ADGRB3: variants seen among roughly 807,000 people sequenced by gnomAD.
The protein encoded by ADGRB3 is brain-specific angiogenesis inhibitor 3.
A neutral mutation model predicts 193.4 loss-of-function variants in ADGRB3; 37 were observed. The ratio of observed to expected loss-of-function variants is 0.19; its 90% CI spans 0.15 to 0.25. The LOEUF (loss-of-function observed/expected upper bound fraction) is 0.25, where lower values mean the gene tolerates loss of function less well. Ranked by LOEUF, ADGRB3 falls within the 10% of genes least tolerant of loss-of-function variation. The pLI, the probability that ADGRB3 is intolerant of heterozygous loss-of-function variation, is 1.00. For missense variants in ADGRB3, 1,637 were observed against 1,852.9 expected, an observed-to-expected ratio of 0.88 and a Z score of 2.14; for synonymous variants, 690 against 644.2, an observed-to-expected ratio of 1.07 and a Z score of -1.08.
chr6:69,199,909 A>G (rs1313980077), intron 17 of ADGRB3, among the ~76,000 whole-genome samples: 1 of 152,102 alleles, frequency 6.6e-6, no homozygotes, highest in African/African-American at 2.4e-5. Context: ...TAAAACCTTT[A>G]TAGCCTTGTT....
At chr6:68,969,937 A>G (rs1295537203) in intron 8 of ADGRB3, among the ~76,000 whole-genome samples, 4 of 152,200 alleles carry the variant, frequency 2.6e-5, no homozygotes, top group Admixed American at 6.5e-5. Flanking sequence ...ATGTGGCCCT[A>G]TAGGCTCTAA....
intron 17 of ADGRB3, among the ~76,000 whole-genome samples, chr6:69,089,889 G>A (rs925050769): frequency 2.5e-4 from 38 of 152,286 alleles, no homozygotes; most frequent in African/African-American, 7.9e-4. Context: ...CCAAATGTTC[G>A]TGAGGGTGGG....
At chr6:69,084,475 C>T (rs1772490520) in intron 17 of ADGRB3, among the ~76,000 whole-genome samples, 1 of 151,958 alleles carries the variant, frequency 6.6e-6, no homozygotes, top group Admixed American at 6.6e-5. Context: ...TTTCTAAATC[C>T]AAAACATTGC....
chr6:68,972,759 G>T (rs567520020), intron 8 of ADGRB3, among the ~76,000 whole-genome samples: 1 of 152,170 alleles, frequency 6.6e-6, no homozygotes, highest in Non-Finnish European at 1.5e-5. Context: ...TAAGGAAGAA[G>T]TAAGGTATGA....
intron 8 of ADGRB3, among the ~76,000 whole-genome samples, chr6:68,972,763 G>A (rs1217933207): frequency 3.3e-5 from 5 of 152,086 alleles, no homozygotes; most frequent in Admixed American, 2.6e-4. Flanking sequence ...GAAGAAGTAA[G>A]GTATGAATGA....
At chr6:69,378,430 G>C (rs1316642610) in intron 30 of ADGRB3, among the ~76,000 whole-genome samples, 1 of 152,004 alleles carries the variant, frequency 6.6e-6, no homozygotes, top group Non-Finnish European at 1.5e-5. Flanking sequence ...CTCACTACTT[G>C]TGTGAGCTTG....
chr6:68,701,087 C>A (rs548835823), intron 3 of ADGRB3, among the ~76,000 whole-genome samples: 1 of 151,804 alleles, frequency 6.6e-6, no homozygotes, highest in Non-Finnish European at 1.5e-5. Flanking sequence ...GATTCTATGC[C>A]GAAATTAGAG....
chr6:68,759,598 T>C (rs925114549), intron 3 of ADGRB3, among the ~76,000 whole-genome samples: 2 of 152,124 alleles, frequency 1.3e-5, no homozygotes, highest in African/African-American at 2.4e-5. Context: ...CATGGCCTGA[T>C]TTTATATAAA....
chr6:68,897,125 A>G (rs1156493806), intron 3 of ADGRB3, among the ~76,000 whole-genome samples: 2 of 152,076 alleles, frequency 1.3e-5, no homozygotes, highest in Admixed American at 6.6e-5. Flanking sequence ...TAAAGGGAAG[A>G]TATTGCAGAA....
At chr6:69,229,779 T>C (rs890099994) in intron 17 of ADGRB3, among the ~76,000 whole-genome samples, 10 of 152,302 alleles carry the variant, frequency 6.6e-5, no homozygotes, top group African/African-American at 2.4e-4. Context: ...TAAACACATG[T>C]TTTAAAACTT....
chr6:69,282,711 G>A (rs566624664), intron 20 of ADGRB3, among the ~76,000 whole-genome samples: 23 of 152,250 alleles, frequency 1.5e-4, no homozygotes, highest in East Asian at 9.6e-4. Flanking sequence ...AGAACAAAAC[G>A]TGAATCTATG....
chr6:69,021,928 T>A (rs368799522), intron 13 of ADGRB3, among the ~76,000 whole-genome samples: 1 of 151,880 alleles, frequency 6.6e-6, no homozygotes, highest in Non-Finnish European at 1.5e-5. Context: ...AGCTTTGATC[T>A]TTTTCTTAAA....
chr6:68,859,296 C>T (rs1468388155), intron 3 of ADGRB3, among the ~76,000 whole-genome samples: 1 of 152,180 alleles, frequency 6.6e-6, no homozygotes, highest in African/African-American at 2.4e-5. Context: ...CAACAAATCT[C>T]TAGGGAGTTT....
At chr6:69,365,903 G>A (rs1167389068) in intron 29 of ADGRB3, among the ~76,000 whole-genome samples, 1 of 152,056 alleles carries the variant, frequency 6.6e-6, no homozygotes, top group Non-Finnish European at 1.5e-5. Context: ...AAAAACCTTT[G>A]AAATTGTAAG....
chr6:68,790,121 G>A (rs550555418), intron 3 of ADGRB3, among the ~76,000 whole-genome samples: 77 of 152,208 alleles, frequency 5.1e-4, no homozygotes, highest in African/African-American at 1.8e-3. Context: ...GCTCAGAGTA[G>A]TTTGATCATC....
intron 3 of ADGRB3, among the ~76,000 whole-genome samples, chr6:68,775,347 G>A (rs1413167541): frequency 6.6e-6 from 1 of 151,988 alleles, no homozygotes; most frequent in Non-Finnish European, 1.5e-5. Context: ...GTGCACCAAG[G>A]GCCATGTGTG....
chr6:69,053,551 C>T (rs1488286454), intron 15 of ADGRB3, among the ~76,000 whole-genome samples: 1 of 152,178 alleles, frequency 6.6e-6, no homozygotes, highest in Non-Finnish European at 1.5e-5. Context: ...GGCCTGGTGG[C>T]CCCAGCCCAG....
At chr6:69,268,360 A>T (rs1767094100) in intron 20 of ADGRB3, among the ~76,000 whole-genome samples, 1 of 152,150 alleles carries the variant, frequency 6.6e-6, no homozygotes, top group Admixed American at 6.6e-5. Flanking sequence ...CCCCTCAAAG[A>T]ACCTGCTTCT....
chr6:68,941,632 T>TTA (rs1195519202), intron 5 of ADGRB3, among the ~76,000 whole-genome samples: 2 of 151,990 alleles, frequency 1.3e-5, no homozygotes, highest in Non-Finnish European at 2.9e-5. Flanking sequence ...CATTAACTTT[T>TTA]TATATAGGAG....
Sources: allele counts gnomAD v4.1 joint callset (sites outside exome capture counted in the v4.1 genomes callset), GRCh38; gene constraint gnomAD v4.1.1; transcripts MANE v1.5; gene names NCBI Gene and HGNC (gene_info 2026-07-23, HGNC 2026-07-21).